The following CRTC3 variants were observed in gnomAD, a reference collection of about 807,000 sequenced individuals.
CRTC3 encodes the protein CREB-regulated transcription coactivator 3.
Under a neutral mutation model 74.5 loss-of-function variants are expected in CRTC3, and 26 were observed. The ratio of observed to expected loss-of-function variants is 0.35; its 90% CI spans 0.26 to 0.48. The LOEUF (loss-of-function observed/expected upper bound fraction) is 0.48. Among genes scored for constraint, CRTC3 ranks in the 20% least tolerant of loss-of-function variants. CRTC3 has a pLI of 0.99. For synonymous variants in CRTC3, 377 were observed against 325.8 expected (o/e 1.16, Z -1.69); for missense variants, 760 against 787.3 (o/e 0.97, Z 0.41).
intron 2 of CRTC3, among the ~76,000 whole-genome samples, chr15:90,584,543 A>C (rs1225202572): frequency 6.6e-6 from 1 of 152,198 alleles, no homozygotes; most frequent in African/African-American, 2.4e-5. Context: ...GGCCCCCAGC[A>C]GAATTTTTAA....
chr15:90,582,967 C>G (rs1967578135), intron 2 of CRTC3, among the ~76,000 whole-genome samples: 1 of 152,190 alleles, frequency 6.6e-6, no homozygotes, highest in African/African-American at 2.4e-5. Context: ...GATCCCCCAG[C>G]ATGAACTCTG....
At chr15:90,641,724 T>C (rs1175883440) in intron 14 of CRTC3, among the ~76,000 whole-genome samples, 2 of 151,470 alleles carry the variant, frequency 1.3e-5, no homozygotes, top group African/African-American at 4.9e-5. Context: ...GACTGATGAC[T>C]GTTCAAAAGG....
At chr15:90,626,243 C>T (rs2078948835) in intron 10 of CRTC3, among the ~76,000 whole-genome samples, 1 of 152,196 alleles carries the variant, frequency 6.6e-6, no homozygotes, top group East Asian at 1.9e-4. Context: ...TATCCAGGGA[C>T]TTGGGGAATA....
intron 2 of CRTC3, among the ~76,000 whole-genome samples, chr15:90,542,181 A>AT (rs59433275): frequency 0.02 from 2,856 of 139,628 alleles, 90 homozygotes; most frequent in African/African-American, 0.066. Flanking sequence ...AGTCCACTTA[A>AT]TTTTTTTTTT....
chr15:90,588,700 G>C (rs141678024), intron 2 of CRTC3, among the ~76,000 whole-genome samples: 117 of 152,272 alleles, frequency 7.7e-4, no homozygotes, highest in Non-Finnish European at 1.3e-3. Context: ...GACCGTTGGG[G>C]AGCACCGTGG....
intron 2 of CRTC3, among the ~76,000 whole-genome samples, chr15:90,548,627 A>T (rs1480669989): frequency 6.6e-6 from 1 of 152,232 alleles, no homozygotes; most frequent in African/African-American, 2.4e-5. Flanking sequence ...AACAAAAGAA[A>T]ACCTAAGTAG....
At chr15:90,546,603 T>G (rs1966844609) in intron 2 of CRTC3, among the ~76,000 whole-genome samples, 1 of 152,168 alleles carries the variant, frequency 6.6e-6, no homozygotes, top group Non-Finnish European at 1.5e-5. Context: ...TGTTAATGTC[T>G]ATAAAAACAC....
intron 11 of CRTC3, among the ~76,000 whole-genome samples, chr15:90,629,780 G>A (rs1010096394): frequency 6.6e-6 from 1 of 152,196 alleles, no homozygotes; most frequent in African/African-American, 2.4e-5. Context: ...CTGGAGTGCA[G>A]TGGCACAATC....
Position 90,642,137 on chromosome 15 carries a change from G to A in CRTC3, c.1857G>A (p.Leu619=). ...SVEETFRADR[L] ...AAGAGACGTTTCGAGCTGACAGACT[G>A]TGAACAGAAGGCAGTGGAACAGAAG... The change falls in exon 15 of 15, where the codon CTG becomes CTA. Residue 619 remains leucine (L), a synonymous_variant. Transcript: ENST00000268184. The A allele has an allele frequency of 1.2e-5, 20 of 1,613,572 alleles. No individual in the cohort carries two copies. The highest frequency in any genetic ancestry group is 1.7e-5 in the Non-Finnish European group (20 of 1,179,608).
chr15:90,634,755 C>T, intron 11 of CRTC3: 3 of 1,023,254 alleles, frequency 2.9e-6, no homozygotes, highest in South Asian at 2.5e-5. Context: ...AAAGTTTTTT[C>T]CACTCTCTGA....
At chr15:90,598,184 G>A (rs984346496) in intron 3 of CRTC3, 15 of 482,868 alleles carry the variant, frequency 3.1e-5, no homozygotes, top group East Asian at 7.2e-5. Context: ...AGGCTGCCCC[G>A]ACAAGGCAGT....
At chr15:90,612,481 G>A (rs541188663) in intron 6 of CRTC3, among the ~76,000 whole-genome samples, 31 of 152,068 alleles carry the variant, frequency 2.0e-4, no homozygotes, top group African/African-American at 7.2e-4. Flanking sequence ...TGGGGTATCT[G>A]CCAGCCACTC....
chr15:90,640,789 GCTGAGGACAGATGT>G (rs576217424), intron 13 of CRTC3, among the ~76,000 whole-genome samples: 174 of 152,240 alleles, frequency 1.1e-3, no homozygotes, highest in African/African-American at 4.1e-3. Flanking sequence ...CCTTGGTGAG[GCTGAGGACAGATGT>G]CTGAGGGGCC....
chr15:90,536,106 G>T (rs1366257869), intron 1 of CRTC3, among the ~76,000 whole-genome samples: 1 of 152,050 alleles, frequency 6.6e-6, no homozygotes, highest in Non-Finnish European at 1.5e-5. Context: ...TATAAGTGTT[G>T]GTTTATTTTT....
chr15:90,640,811 G>A (rs182545613), intron 13 of CRTC3, among the ~76,000 whole-genome samples: 1 of 152,270 alleles, frequency 6.6e-6, no homozygotes, highest in East Asian at 1.9e-4. Context: ...TGTCTGAGGG[G>A]CCACAGAAAC....
intron 7 of CRTC3, among the ~76,000 whole-genome samples, chr15:90,616,278 T>A (rs1968493173): frequency 6.6e-6 from 1 of 152,152 alleles, no homozygotes; most frequent in African/African-American, 2.4e-5. Context: ...ACTGGACAGG[T>A]TGCCTGAAGA....
intron 1 of CRTC3, among the ~76,000 whole-genome samples, chr15:90,536,643 G>A (rs1240901407): frequency 6.6e-6 from 1 of 152,174 alleles, no homozygotes; most frequent in Non-Finnish European, 1.5e-5. Context: ...AGGAATTAAT[G>A]AGGCCTGGAT....
chr15:90,535,590 C>T (rs1966706121), intron 1 of CRTC3, among the ~76,000 whole-genome samples: 1 of 152,126 alleles, frequency 6.6e-6, no homozygotes, highest in African/African-American at 2.4e-5. Flanking sequence ...AGGACTAACT[C>T]AGCATATCAC....
At chr15:90,552,941 C>G (rs1966864111) in intron 2 of CRTC3, among the ~76,000 whole-genome samples, 1 of 151,942 alleles carries the variant, frequency 6.6e-6, no homozygotes, top group South Asian at 2.1e-4. Flanking sequence ...TATTTTTTTC[C>G]CTTAGCCAGC....
Sources: gnomAD v4.1 joint callset for allele counts (sites outside exome capture counted in the v4.1 genomes callset) on GRCh38, gnomAD v4.1.1 for gene constraint, MANE v1.5 for transcripts, NCBI Gene and HGNC (gene_info 2026-07-23, HGNC 2026-07-21) for gene names.